TENM2: variants seen among roughly 807,000 people sequenced by gnomAD.
The protein encoded by TENM2 is teneurin-2.
In TENM2, 52 loss-of-function variants were observed where a neutral mutation model predicts 245.2. The observed-to-expected ratio is 0.21, with a 90% CI of 0.17 to 0.27. The LOEUF is 0.27. Among genes scored for constraint, TENM2 ranks in the 10% least tolerant of loss-of-function variants. The pLI is 1.00. For synonymous variants in TENM2, 1,363 were observed against 1,438.9 expected (o/e 0.95, Z 1.19); for missense variants, 3,046 against 3,666.8 (o/e 0.83, Z 4.37).
At chr5:167,361,353 T>C (rs1167617300) in intron 1 of TENM2, among the ~76,000 whole-genome samples, 1 of 152,186 alleles carries the variant, frequency 6.6e-6, no homozygotes, top group Non-Finnish European at 1.5e-5. Flanking sequence ...CCAGAAATAA[T>C]TGCGATTAAG....
intron 2 of TENM2, among the ~76,000 whole-genome samples, chr5:167,739,634 G>A (rs953474691): frequency 6.6e-6 from 1 of 152,144 alleles, no homozygotes; most frequent in African/African-American, 2.4e-5. Context: ...CGGACTTTAG[G>A]AGATACAGTG....
intron 7 of TENM2, among the ~76,000 whole-genome samples, chr5:168,083,667 A>G (rs1792194806): frequency 6.7e-6 from 1 of 149,346 alleles, no homozygotes. Context: ...AATCAGTAGC[A>G]AGTTTTTTTT....
intron 2 of TENM2, among the ~76,000 whole-genome samples, chr5:167,858,535 C>T (rs1364350548): frequency 6.6e-6 from 1 of 152,180 alleles, no homozygotes; most frequent in Non-Finnish European, 1.5e-5. Context: ...TTGAAAACAA[C>T]GTCAAGAGAA....
chr5:167,780,991 T>G (rs1561774273), intron 2 of TENM2, among the ~76,000 whole-genome samples: 5 of 152,216 alleles, frequency 3.3e-5, no homozygotes, highest in Non-Finnish European at 5.9e-5. Context: ...ACCTTCTATT[T>G]ATATCACAAA....
chr5:167,637,026 A>G (rs955029203), intron 2 of TENM2, among the ~76,000 whole-genome samples: 1 of 152,164 alleles, frequency 6.6e-6, no homozygotes, highest in South Asian at 2.1e-4. Flanking sequence ...AGAACAAATT[A>G]TTTGATCTTT....
intron 2 of TENM2, among the ~76,000 whole-genome samples, chr5:167,850,935 C>T (rs901209656): frequency 2.0e-5 from 3 of 152,200 alleles, no homozygotes; most frequent in Non-Finnish European, 2.9e-5. Context: ...TCTGAATTTT[C>T]TCATGTTCAT....
chr5:168,184,281 G>A (rs925947404), intron 13 of TENM2, among the ~76,000 whole-genome samples: 2 of 152,202 alleles, frequency 1.3e-5, no homozygotes, highest in African/African-American at 4.8e-5. Context: ...ACTGCAAAGA[G>A]TGCAGCTTAT....
chr5:168,012,337 A>C (rs1415539726), intron 5 of TENM2, among the ~76,000 whole-genome samples: 2 of 152,146 alleles, frequency 1.3e-5, no homozygotes, highest in African/African-American at 4.8e-5. Flanking sequence ...GATAAAAAGA[A>C]ATACACTTCA....
intron 3 of TENM2, among the ~76,000 whole-genome samples, chr5:167,948,289 G>C (rs951106943): frequency 6.6e-6 from 1 of 152,126 alleles, no homozygotes; most frequent in African/African-American, 2.4e-5. Flanking sequence ...CTGCCAACCG[G>C]TAGGCATTTA....
At chr5:167,897,832 A>G (rs1303014433) in intron 3 of TENM2, among the ~76,000 whole-genome samples, 2 of 152,070 alleles carry the variant, frequency 1.3e-5, no homozygotes, top group East Asian at 1.9e-4. Flanking sequence ...GGAGAGAACG[A>G]AACAGAGAAC....
chr5:167,100,939 T>C, the TENM2 span, among the ~76,000 whole-genome samples: 1 of 152,234 alleles, frequency 6.6e-6, no homozygotes, highest in Non-Finnish European at 1.5e-5. Flanking sequence ...TAATTGCAGT[T>C]ATTCATCTTT....
chr5:168,195,236 G>A, exon 15 of TENM2: 2 of 1,608,132 alleles, frequency 1.2e-6, no homozygotes, highest in Non-Finnish European at 1.7e-6. Flanking sequence ...TGGTCGGTGT[G>A]AACGTGTCTT....
intron 1 of TENM2, among the ~76,000 whole-genome samples, chr5:167,334,931 A>G (rs1470491238): frequency 6.6e-6 from 1 of 152,220 alleles, no homozygotes; most frequent in Non-Finnish European, 1.5e-5. Context: ...CTCAAATTTC[A>G]TAGCAAGTAT....
At chr5:167,610,083 G>A (rs1333332148) in intron 2 of TENM2, among the ~76,000 whole-genome samples, 2 of 152,084 alleles carry the variant, frequency 1.3e-5, no homozygotes, top group East Asian at 3.9e-4. Flanking sequence ...GTGACTCACA[G>A]AACTCATGGA....
chr5:167,895,209 C>G (rs890437859), intron 3 of TENM2, among the ~76,000 whole-genome samples: 8 of 152,000 alleles, frequency 5.3e-5, no homozygotes. Flanking sequence ...TCTCCCTCCT[C>G]CTCTTCCTCT....
chr5:167,949,644 G>A (rs1779921540), intron 3 of TENM2, among the ~76,000 whole-genome samples: 2 of 152,276 alleles, frequency 1.3e-5, no homozygotes, highest in Admixed American at 6.5e-5. Context: ...AGATGAGTAA[G>A]CTGAGAATGA....
intron 2 of TENM2, among the ~76,000 whole-genome samples, chr5:167,417,058 G>A (rs1426492413): frequency 6.6e-6 from 1 of 151,992 alleles, no homozygotes; most frequent in Non-Finnish European, 1.5e-5. Context: ...CTTATTTTAT[G>A]TCTTAGCCCC....
chr5:167,919,932 A>G (rs1260453639), intron 3 of TENM2, among the ~76,000 whole-genome samples: 1 of 152,132 alleles, frequency 6.6e-6, no homozygotes, highest in Non-Finnish European at 1.5e-5. Flanking sequence ...ATAAATCAAG[A>G]CATTCTTTTT....
chr5:167,305,193 C>T (rs77485277), intron 1 of TENM2, among the ~76,000 whole-genome samples: 122 of 152,308 alleles, frequency 8.0e-4, no homozygotes, highest in African/African-American at 2.9e-3. Flanking sequence ...TTGCCTGAAT[C>T]TCCCACTCAC....
Sources: gnomAD v4.1 joint callset for allele counts (sites outside exome capture counted in the v4.1 genomes callset) on GRCh38, gnomAD v4.1.1 for gene constraint, MANE v1.5 for transcripts, NCBI Gene and HGNC (gene_info 2026-07-23, HGNC 2026-07-21) for gene names.